Variants in FOXP2 observed in about 807,000 individuals in gnomAD.
The protein encoded by FOXP2 is forkhead box protein P2.
A neutral mutation model predicts 115.8 loss-of-function variants in FOXP2; 12 were observed. The ratio of observed to expected loss-of-function variants is 0.10; its 90% CI spans 0.07 to 0.17. The LOEUF is 0.17. FOXP2 is among the 10% of genes least tolerant of loss of function. The pLI is 1.00. For synonymous variants in FOXP2, 328 were observed against 297.7 expected (o/e 1.10, Z -1.05); for missense variants, 629 against 843.5 (o/e 0.75, Z 3.15).
At chr7:114,649,988 G>A (rs906189226) in intron 8 of FOXP2, among the ~76,000 whole-genome samples, 3 of 151,988 alleles carry the variant, frequency 2.0e-5, no homozygotes, top group Admixed American at 6.6e-5. Flanking sequence ...AAAACCTTTC[G>A]CCTTCATACA....
At chr7:114,439,554 T>C (rs1185604009) in intron 2 of FOXP2, among the ~76,000 whole-genome samples, 1 of 152,010 alleles carries the variant, frequency 6.6e-6, no homozygotes. Context: ...CTTATTTATT[T>C]ATTTATTTAT....
chr7:114,441,002 G>C (rs774538640), intron 2 of FOXP2, among the ~76,000 whole-genome samples: 18 of 152,114 alleles, frequency 1.2e-4, no homozygotes, highest in Admixed American at 6.6e-5. Flanking sequence ...ATATGGCACA[G>C]CAAGATGCAC....
At chr7:114,650,197 G>T (rs1183703835) in intron 8 of FOXP2, among the ~76,000 whole-genome samples, 1 of 151,938 alleles carries the variant, frequency 6.6e-6, no homozygotes, top group Admixed American at 6.6e-5. Context: ...TTAAATATAA[G>T]ATCATGATTA....
chr7:114,557,379 C>G (rs1225758385), intron 3 of FOXP2, among the ~76,000 whole-genome samples: 1 of 152,088 alleles, frequency 6.6e-6, no homozygotes, highest in African/African-American at 2.4e-5. Context: ...CAGGCATTTT[C>G]CATTAGATGT....
intron 2 of FOXP2, among the ~76,000 whole-genome samples, chr7:114,482,987 G>A (rs1796623590): frequency 6.6e-6 from 1 of 151,594 alleles, no homozygotes; most frequent in Admixed American, 6.6e-5. Flanking sequence ...GTTATACAAG[G>A]TTTAGCTGAT....
At chr7:114,491,320 G>C (rs1200184801) in intron 2 of FOXP2, among the ~76,000 whole-genome samples, 1 of 152,188 alleles carries the variant, frequency 6.6e-6, no homozygotes, top group East Asian at 1.9e-4. Flanking sequence ...AGAAGTGTCT[G>C]TTCATGTCCT....
chr7:114,605,480 G>A (rs981783658), intron 3 of FOXP2, among the ~76,000 whole-genome samples: 2 of 152,086 alleles, frequency 1.3e-5, no homozygotes, highest in Non-Finnish European at 2.9e-5. Context: ...TGGTTTATGT[G>A]TAAACAATAA....
At chr7:114,253,036 C>A (rs748993869) in intron 1 of FOXP2, among the ~76,000 whole-genome samples, 4 of 152,150 alleles carry the variant, frequency 2.6e-5, no homozygotes, top group Non-Finnish European at 5.9e-5. Flanking sequence ...TTTCTGCCTT[C>A]ATTTCGTTAT....
chr7:114,462,147 G>A (rs1384393213), intron 2 of FOXP2, among the ~76,000 whole-genome samples: 1 of 151,136 alleles, frequency 6.6e-6, no homozygotes, highest in South Asian at 2.1e-4. Context: ...CGGGCGCGGT[G>A]GCACGTGCCT....
At chr7:114,490,776 A>T (rs1009897131) in intron 2 of FOXP2, among the ~76,000 whole-genome samples, 5 of 151,788 alleles carry the variant, frequency 3.3e-5, no homozygotes, top group Non-Finnish European at 7.4e-5. Context: ...TGTCCTTGTG[A>T]TAGTTTGCTG....
chr7:114,526,475 C>T (rs1021776181), intron 2 of FOXP2, among the ~76,000 whole-genome samples: 1 of 69,094 alleles, frequency 1.4e-5, no homozygotes, highest in Admixed American at 1.7e-4. Flanking sequence ...GACTCTGTCT[C>T]AAAAAAAAAA....
At chr7:114,330,321 G>A (rs2129182789) in intron 2 of FOXP2, among the ~76,000 whole-genome samples, 1 of 151,996 alleles carries the variant, frequency 6.6e-6, no homozygotes, top group South Asian at 2.1e-4. Context: ...CAAAGATAAA[G>A]TTCATAACTG....
At chr7:114,301,339 T>C (rs976089153) in intron 2 of FOXP2, among the ~76,000 whole-genome samples, 1 of 152,110 alleles carries the variant, frequency 6.6e-6, no homozygotes, top group African/African-American at 2.4e-5. Context: ...AGTCACAAGT[T>C]TTTTAGTTTC....
chr7:114,121,690 G>A (rs963259946), intron 1 of FOXP2, among the ~76,000 whole-genome samples: 3 of 152,060 alleles, frequency 2.0e-5, no homozygotes, highest in Admixed American at 6.6e-5. Flanking sequence ...TTGAAAGATT[G>A]AGAAACAATG....
At chr7:114,367,593 G>A (rs1791911471) in intron 2 of FOXP2, among the ~76,000 whole-genome samples, 1 of 152,052 alleles carries the variant, frequency 6.6e-6, no homozygotes, top group Non-Finnish European at 1.5e-5. Context: ...TAGTGCTTTG[G>A]AATACATTCA....
chr7:114,384,874 C>T (rs554232962), intron 2 of FOXP2, among the ~76,000 whole-genome samples: 23 of 151,814 alleles, frequency 1.5e-4, no homozygotes, highest in Non-Finnish European at 3.1e-4. Flanking sequence ...TCCTTGGTTA[C>T]TGGGTTAAGG....
intron 3 of FOXP2, among the ~76,000 whole-genome samples, chr7:114,600,357 GT>G (rs1198592737): frequency 6.6e-6 from 1 of 151,868 alleles, no homozygotes; most frequent in South Asian, 2.1e-4. Context: ...TGATAGATCA[GT>G]TTTTTTTCAC....
chr7:114,235,137 T>C (rs1461404732), intron 1 of FOXP2, among the ~76,000 whole-genome samples: 1 of 151,386 alleles, frequency 6.6e-6, no homozygotes, highest in Non-Finnish European at 1.5e-5. Context: ...ATCACTCCAA[T>C]GTTTTTTTTT....
At chr7:114,607,721 G>A (rs931136136) in intron 3 of FOXP2, among the ~76,000 whole-genome samples, 2 of 152,104 alleles carry the variant, frequency 1.3e-5, no homozygotes, top group African/African-American at 2.4e-5. Context: ...CATAGTGGGA[G>A]TTCCTGAATA....
Sources: allele counts gnomAD v4.1 joint callset (sites outside exome capture counted in the v4.1 genomes callset), GRCh38; gene constraint gnomAD v4.1.1; transcripts MANE v1.5; gene names NCBI Gene and HGNC (gene_info 2026-07-23, HGNC 2026-07-21).